NRCAM: variants seen among roughly 807,000 people sequenced by gnomAD.
The protein encoded by NRCAM is NgCAM-related cell adhesion molecule.
In NRCAM, 83 loss-of-function variants were observed where a neutral mutation model predicts 156.5. The ratio of observed to expected loss-of-function variants is 0.53; its 90% CI spans 0.44 to 0.64. The LOEUF (loss-of-function observed/expected upper bound fraction) is 0.64. Among genes scored for constraint, NRCAM ranks in the 30% least tolerant of loss-of-function variants. The pLI, the probability that NRCAM is intolerant of heterozygous loss-of-function variation, is 0.00. For synonymous variants in NRCAM, 538 were observed against 563.9 expected (o/e 0.95, Z 0.65); for missense variants, 1,417 against 1,597.3 (o/e 0.89, Z 1.92).
intron 3 of NRCAM, among the ~76,000 whole-genome samples, chr7:108,242,242 G>C (rs937708294): frequency 1.7e-5 from 2 of 115,152 alleles, no homozygotes; most frequent in East Asian, 5.4e-4. Context: ...CTGGGTGACA[G>C]AGCAAGACCC....
At chr7:108,374,192 G>A (rs2099650136) in intron 2 of NRCAM, among the ~76,000 whole-genome samples, 1 of 152,102 alleles carries the variant, frequency 6.6e-6, no homozygotes, top group Non-Finnish European at 1.5e-5. Flanking sequence ...AGTAACTAGG[G>A]CTCTGAAGCT....
chr7:108,162,682 G>A (rs2049958731), intron 30 of NRCAM, among the ~76,000 whole-genome samples: 1 of 152,140 alleles, frequency 6.6e-6, no homozygotes, highest in African/African-American at 2.4e-5. Flanking sequence ...CACATTCACT[G>A]ACTTTGAATT....
chr7:108,271,209 G>A (rs2097333475), intron 3 of NRCAM, among the ~76,000 whole-genome samples: 1 of 152,094 alleles, frequency 6.6e-6, no homozygotes, highest in African/African-American at 2.4e-5. Flanking sequence ...AAAAATTACG[G>A]TTTCCAAATG....
At chr7:108,344,645 T>A (rs1308111940) in intron 2 of NRCAM, among the ~76,000 whole-genome samples, 2 of 150,882 alleles carry the variant, frequency 1.3e-5, no homozygotes, top group Non-Finnish European at 1.5e-5. Context: ...CTGTTTATAC[T>A]CCATACTGAC....
chr7:108,272,455 G>A (rs1474750742), intron 3 of NRCAM, among the ~76,000 whole-genome samples: 2 of 152,136 alleles, frequency 1.3e-5, no homozygotes, highest in Non-Finnish European at 2.9e-5. Flanking sequence ...AAGTTTTGAT[G>A]ACAAACCTGA....
chr7:108,341,026 C>T (rs190614671), intron 2 of NRCAM, among the ~76,000 whole-genome samples: 157 of 152,278 alleles, frequency 1.0e-3, no homozygotes, highest in Middle Eastern at 0.01. Flanking sequence ...CTCTGGAACA[C>T]GGAAAGGCTG....
intron 5 of NRCAM, 28 bp downstream of exon 5, chr7:108,237,724 G>A (rs775258032): frequency 3.2e-6 from 5 of 1,555,922 alleles, no homozygotes; most frequent in Admixed American, 1.9e-5. Flanking sequence ...TTTTCACACT[G>A]CCTAGTAATT....
intron 3 of NRCAM, among the ~76,000 whole-genome samples, chr7:108,276,589 T>C (rs548097497): frequency 2.0e-5 from 3 of 152,028 alleles, no homozygotes; most frequent in Non-Finnish European, 4.4e-5. Flanking sequence ...GTTTGCTTGG[T>C]AGATCTTCCT....
intron 2 of NRCAM, among the ~76,000 whole-genome samples, chr7:108,387,508 C>A (rs2099744534): frequency 1.3e-5 from 2 of 151,952 alleles, no homozygotes; most frequent in Non-Finnish European, 1.5e-5. Context: ...CAAATCCTGG[C>A]AACAACTCAA....
intron 3 of NRCAM, among the ~76,000 whole-genome samples, chr7:108,278,727 C>A (rs1306140055): frequency 6.6e-6 from 1 of 152,250 alleles, no homozygotes; most frequent in African/African-American, 2.4e-5. Flanking sequence ...TGAGGCGACA[C>A]CCCACCCTGC....
intron 3 of NRCAM, among the ~76,000 whole-genome samples, chr7:108,248,321 G>A (rs2153866806): frequency 1.3e-5 from 2 of 152,138 alleles, no homozygotes; most frequent in Admixed American, 1.3e-4. Flanking sequence ...AAAATATTGT[G>A]TCACATTTCA....
chr7:108,431,024 A>T (rs2154461052), intron 1 of NRCAM, among the ~76,000 whole-genome samples: 1 of 152,352 alleles, frequency 6.6e-6, no homozygotes, highest in South Asian at 2.1e-4. Context: ...CATGCCTGTC[A>T]TGTACATGTT....
At chr7:108,303,858 C>T (rs143419516) in intron 3 of NRCAM, among the ~76,000 whole-genome samples, 19 of 152,240 alleles carry the variant, frequency 1.2e-4, no homozygotes, top group Non-Finnish European at 2.5e-4. Context: ...TACACCTTTA[C>T]ATGTATATGT....
At chr7:108,230,794 T>C (rs2094229837) in intron 8 of NRCAM, among the ~76,000 whole-genome samples, 2 of 152,120 alleles carry the variant, frequency 1.3e-5, no homozygotes, top group Admixed American at 6.6e-5. Context: ...GCATTTATCA[T>C]CTGCCTCCTT....
intron 2 of NRCAM, among the ~76,000 whole-genome samples, chr7:108,398,231 T>C (rs1259268251): frequency 6.6e-6 from 1 of 152,166 alleles, no homozygotes; most frequent in Non-Finnish European, 1.5e-5. Context: ...CCTTCTGGCA[T>C]CATAATGTTC....
intron 8 of NRCAM, among the ~76,000 whole-genome samples, chr7:108,229,257 TC>T (rs1245238372): frequency 6.6e-6 from 1 of 152,218 alleles, no homozygotes; most frequent in Admixed American, 6.5e-5. Flanking sequence ...AAAAATATTT[TC>T]TAAAATTATT....
chr7:108,198,517 T>A (rs991606716), intron 13 of NRCAM, among the ~76,000 whole-genome samples: 2 of 151,264 alleles, frequency 1.3e-5, no homozygotes, highest in Non-Finnish European at 2.9e-5. Context: ...AAAAAAACTC[T>A]TACAAGTTTA....
chr7:108,252,395 A>G (rs892665754), intron 3 of NRCAM, among the ~76,000 whole-genome samples: 2 of 152,216 alleles, frequency 1.3e-5, no homozygotes, highest in African/African-American at 4.8e-5. Flanking sequence ...AAATAAGACT[A>G]TTGTAGGCCC....
intron 2 of NRCAM, among the ~76,000 whole-genome samples, chr7:108,395,409 A>C (rs1410790566): frequency 1.3e-5 from 2 of 152,222 alleles, no homozygotes; most frequent in Non-Finnish European, 2.9e-5. Flanking sequence ...TGCTGAGGTA[A>C]AGTCTGCGAT....
Sources: gnomAD v4.1 joint callset for allele counts (sites outside exome capture counted in the v4.1 genomes callset) on GRCh38, gnomAD v4.1.1 for gene constraint, MANE v1.5 for transcripts, NCBI Gene and HGNC (gene_info 2026-07-23, HGNC 2026-07-21) for gene names.